Variants in NRG1 observed in about 807,000 individuals in gnomAD.
NRG1 encodes pro-neuregulin-1, membrane-bound isoform.
NRG1 carries 18 observed loss-of-function variants against 63.8 expected under a neutral mutation model. The observed-to-expected ratio is 0.28, with a 90% CI of 0.19 to 0.42. The LOEUF is 0.42. Among genes scored for constraint, NRG1 ranks in the 10% least tolerant of loss-of-function variants. The pLI is 1.00. For synonymous variants in NRG1, 302 were observed against 301.3 expected, an observed-to-expected ratio of 1.00 and a Z score of -0.02; for missense variants, 762 against 814.7, an observed-to-expected ratio of 0.94 and a Z score of 0.79.
At chr8:32,357,254 G>T (rs1273200326) in intron 1 of NRG1, among the ~76,000 whole-genome samples, 1 of 152,058 alleles carries the variant, frequency 6.6e-6, no homozygotes, top group Non-Finnish European at 1.5e-5. Context: ...GAGAAGAGAA[G>T]AAATAAGTAA....
At chr8:32,321,578 A>C (rs1450035546) in intron 1 of NRG1, among the ~76,000 whole-genome samples, 1 of 150,462 alleles carries the variant, frequency 6.6e-6, no homozygotes, top group African/African-American at 2.4e-5. Flanking sequence ...TGGGCTGGAA[A>C]TACTGGGAGG....
At chr8:32,353,801 G>A (rs1434081677) in intron 1 of NRG1, among the ~76,000 whole-genome samples, 2 of 152,162 alleles carry the variant, frequency 1.3e-5, no homozygotes, top group East Asian at 1.9e-4. Context: ...ATGTAAGCCA[G>A]CCAGTCCACT....
intron 1 of NRG1, among the ~76,000 whole-genome samples, chr8:32,047,717 A>G (rs1821234898): frequency 6.6e-6 from 1 of 152,038 alleles, no homozygotes; most frequent in Admixed American, 6.6e-5. Flanking sequence ...TTATGAAATG[A>G]CTAAATTTTA....
chr8:32,577,065 A>T (rs1006126913), intron 1 of NRG1, among the ~76,000 whole-genome samples: 1 of 152,172 alleles, frequency 6.6e-6, no homozygotes, highest in Admixed American at 6.5e-5. Flanking sequence ...AAGTGAGAGC[A>T]TGGAGTATTT....
chr8:32,111,869 G>C (rs747008635), intron 1 of NRG1, among the ~76,000 whole-genome samples: 1 of 152,084 alleles, frequency 6.6e-6, no homozygotes, highest in Non-Finnish European at 1.5e-5. Context: ...TTATCTGTCT[G>C]GAATTGGTGT....
chr8:32,139,134 A>G (rs1211142136), intron 1 of NRG1: 1 of 152,202 alleles, frequency 6.6e-6, no homozygotes, highest in African/African-American at 2.4e-5. Flanking sequence ...TGCAGAGTCA[A>G]GTTTTCTAGA....
At chr8:31,859,790 C>G (rs534558710) in intron 1 of NRG1, among the ~76,000 whole-genome samples, 3 of 152,320 alleles carry the variant, frequency 2.0e-5, no homozygotes, top group Admixed American at 6.5e-5. Flanking sequence ...TGTCTTTATT[C>G]TAGCCTTTTA....
At chr8:32,233,285 T>A (rs1259803691) in intron 1 of NRG1, among the ~76,000 whole-genome samples, 4 of 151,748 alleles carry the variant, frequency 2.6e-5, no homozygotes, top group Non-Finnish European at 5.9e-5. Context: ...AAAAATTTCC[T>A]ATTTCTTGTA....
rs1335799354 is a variant in NRG1, at chr8:32,072,250, T to TA, written c.37+432827dup. Among the ~76,000 whole-genome samples the TA allele has an allele frequency of 8.4e-3, 697 of 83,086 alleles. 2 individuals are homozygous for TA. The highest frequency in any genetic ancestry group is 0.02 in the Admixed American group (152 of 7,690). The allele number at this position is 83,086 out of a possible 152,430, so 54.5% of individuals were successfully genotyped here. ...AACACCAGAGAACCACTCTAACTTC[T>TA]AAAAAAAATAAGAAACCCAAAACCT... On this transcript the variant is annotated intron_variant, in intron 1 of 10. Transcript: ENST00000519301.
chr8:31,895,450 G>T (rs1831504220), intron 1 of NRG1, among the ~76,000 whole-genome samples: 1 of 152,210 alleles, frequency 6.6e-6, no homozygotes, highest in Admixed American at 6.5e-5. Flanking sequence ...TTTGTTGATG[G>T]TAAAATTCTG....
intron 1 of NRG1, among the ~76,000 whole-genome samples, chr8:31,742,454 A>ATTTTTTTTTTTTT (rs1563349398): frequency 2.3e-5 from 1 of 43,252 alleles, no homozygotes; most frequent in African/African-American, 8.1e-5. Context: ...CTTTTTTAAG[A>ATTTTTTTTTTTTT]ATTTTTTTTT....
chr8:31,647,775 C>T (rs1465611370), intron 1 of NRG1, among the ~76,000 whole-genome samples: 3 of 152,216 alleles, frequency 2.0e-5, no homozygotes, highest in East Asian at 3.9e-4. Context: ...TCTTCATTCC[C>T]ATCCATAGAG....
intron 1 of NRG1, among the ~76,000 whole-genome samples, chr8:31,939,192 T>G (rs1261407905): frequency 6.6e-6 from 1 of 152,040 alleles, no homozygotes; most frequent in Non-Finnish European, 1.5e-5. Flanking sequence ...TGAAGAAATA[T>G]CTATCAGGTT....
chr8:31,642,897 A>G (rs1270887362), intron 1 of NRG1, among the ~76,000 whole-genome samples: 1 of 152,178 alleles, frequency 6.6e-6, no homozygotes, highest in Non-Finnish European at 1.5e-5. Flanking sequence ...TTCTTGTAAA[A>G]CTGGAGGATA....
intron 1 of NRG1, among the ~76,000 whole-genome samples, chr8:31,837,124 TAGA>T (rs1825753074): frequency 6.6e-6 from 1 of 152,080 alleles, no homozygotes; most frequent in Non-Finnish European, 1.5e-5. Context: ...AAAATTGACT[TAGA>T]GGAGCTTTTA....
chr8:32,004,688 A>G (rs1813468254), intron 1 of NRG1, among the ~76,000 whole-genome samples: 1 of 151,976 alleles, frequency 6.6e-6, no homozygotes, highest in Non-Finnish European at 1.5e-5. Context: ...TATCAAAGCT[A>G]TCAGTAAGGT....
intron 1 of NRG1, among the ~76,000 whole-genome samples, chr8:31,877,482 T>C (rs971953295): frequency 6.6e-6 from 1 of 150,774 alleles, no homozygotes; most frequent in African/African-American, 2.4e-5. Context: ...TCCATGTATG[T>C]ATGTGTGTGT....
chr8:31,667,840 C>A (rs188771127), intron 1 of NRG1, among the ~76,000 whole-genome samples: 2 of 152,248 alleles, frequency 1.3e-5, no homozygotes, highest in East Asian at 1.9e-4. Context: ...TAAGACACTG[C>A]AAATTTCCGA....
chr8:32,158,828 G>T (rs1315850578), intron 1 of NRG1, among the ~76,000 whole-genome samples: 1 of 152,044 alleles, frequency 6.6e-6, no homozygotes, highest in Non-Finnish European at 1.5e-5. Flanking sequence ...AGGGAAGGGA[G>T]GGGAGCAAAA....
Sources: gnomAD v4.1 joint callset for allele counts (sites outside exome capture counted in the v4.1 genomes callset) on GRCh38, gnomAD v4.1.1 for gene constraint, MANE v1.5 for transcripts, NCBI Gene and HGNC (gene_info 2026-07-23, HGNC 2026-07-21) for gene names.